PCDHA2: variants seen among roughly 807,000 people sequenced by gnomAD.
PCDHA2 encodes the protein protocadherin alpha-2.
Under a neutral mutation model 66.0 loss-of-function variants are expected in PCDHA2, and 58 were observed. The observed-to-expected ratio is 0.88, with a 90% CI of 0.71 to 1.09. The LOEUF is 1.09. Among genes scored for constraint, PCDHA2 ranks in the 50% least tolerant of loss-of-function variants. PCDHA2 has a pLI of 0.00. For synonymous variants in PCDHA2, 634 were observed against 554.0 expected (o/e 1.14, Z -2.03); for missense variants, 1,267 against 1,242.3 (o/e 1.02, Z -0.30).
At chr5:140,865,092 AG>A (rs2153225895) in intron 1 of PCDHA2, 1 of 152,364 alleles carries the variant, frequency 6.6e-6, no homozygotes, top group East Asian at 1.9e-4. Context: ...ATATTAATAA[AG>A]GCACTTCCAC....
At chr5:140,823,775 C>A (rs2150129029) in intron 1 of PCDHA2, 3 of 1,613,850 alleles carry the variant, frequency 1.9e-6, no homozygotes, top group African/African-American at 2.7e-5. Context: ...GTGCTGGTGT[C>A]GCTGGTGGAA....
At chr5:140,882,907 A>T (rs11744560) in intron 1 of PCDHA2, 226,049 of 1,614,134 alleles carry the variant, frequency 0.14, 16,618 homozygotes, top group Middle Eastern at 0.18. Context: ...TATTACTGAC[A>T]GCCAGTGATG....
chr5:140,842,791 G>C (rs1554139385), intron 1 of PCDHA2: 1 of 1,594,368 alleles, frequency 6.3e-7, no homozygotes, highest in Non-Finnish European at 8.6e-7. Context: ...ACGCGCTGGT[G>C]TCCTACTCGC....
chr5:140,867,027 C>G (rs1043288554), intron 1 of PCDHA2: 1 of 152,102 alleles, frequency 6.6e-6, no homozygotes, highest in Non-Finnish European at 1.5e-5. Flanking sequence ...ATATCAAACT[C>G]TTTTATGACT....
At chr5:140,850,475 G>T (rs2150485791) in intron 1 of PCDHA2, 2 of 1,597,894 alleles carry the variant, frequency 1.3e-6, no homozygotes, top group African/African-American at 2.7e-5. Flanking sequence ...CAGCGCTGAC[G>T]GCCACGGCCA....
Position 140,968,451 on chromosome 5 carries a change from C to T in PCDHA2, c.2389-10498C>T, listed in dbSNP as rs782416830. 9 of 1,614,130 alleles carry T rather than the reference C, an allele frequency of 5.6e-6. No homozygotes were observed. The South Asian group carries it at 9.9e-5, about 18-fold the overall frequency. ...AAGGGGAGCCCACCACTGAGCAGCACTGTGACTGCCAACGTATATGTGGTG... is the reference window on the plus strand; with the variant it reads ...AAGGGGAGCCCACCACTGAGCAGCATTGTGACTGCCAACGTATATGTGGTG... On this transcript the variant is annotated intron_variant, in intron 1 of 3. Transcript: ENST00000526136.
At chr5:140,865,692 T>C (rs2048967146) in intron 1 of PCDHA2, 1 of 152,212 alleles carries the variant, frequency 6.6e-6, no homozygotes, top group Non-Finnish European at 1.5e-5. Context: ...ATATGACTGT[T>C]CCAATTTGAA....
chr5:140,892,058 T>C (rs1417540713), intron 1 of PCDHA2, among the ~76,000 whole-genome samples: 3 of 152,248 alleles, frequency 2.0e-5, no homozygotes, highest in African/African-American at 4.8e-5. Context: ...TCAAATTTAT[T>C]GTTACTTTGT....
chr5:140,876,919 GA>G, intron 1 of PCDHA2: 2 of 1,613,952 alleles, frequency 1.2e-6, no homozygotes, highest in Non-Finnish European at 1.7e-6. Context: ...ATGGGACGCG[GA>G]CGCGCAGAAG....
rs782097002 is a variant in PCDHA2 at position 140,795,783 on chromosome 5, G to A, written c.819G>A (p.Pro273=). The change falls in exon 1 of 4, where the codon CCG becomes CCA. Residue 273 remains proline (P), a synonymous_variant. Coordinates refer to ENST00000526136, the MANE Select transcript of PCDHA2 (RefSeq NM_018905.3). ...KLNASDADEG[P]NSEIVYSLGS... ...ACGCTTCTGATGCAGATGAAGGACC[G>A]AACAGCGAGATTGTGTATTCACTCG... The A allele has an allele frequency of 1.2e-6, 2 of 1,613,730 alleles. No homozygotes were observed. The highest frequency in any genetic ancestry group is 2.2e-5 in the South Asian group (2 of 91,070).
intron 1 of PCDHA2, chr5:140,822,615 T>C (rs2150117790): frequency 1.2e-6 from 2 of 1,611,632 alleles, no homozygotes; most frequent in Non-Finnish European, 1.7e-6. Context: ...TGTATTTCTT[T>C]AGTAATCTTG....
At chr5:140,993,472 A>T (rs1164535164) in intron 3 of PCDHA2, among the ~76,000 whole-genome samples, 1 of 134,248 alleles carries the variant, frequency 7.4e-6, no homozygotes, top group Non-Finnish European at 1.5e-5. Flanking sequence ...TCACACACAC[A>T]CACACACACA....
chr5:140,869,415 C>T (rs1444507177), intron 1 of PCDHA2: 2 of 1,614,216 alleles, frequency 1.2e-6, no homozygotes, highest in South Asian at 1.1e-5. Context: ...AGTGCAGCAT[C>T]CACCTGGAGG....
At position 140,843,439 on chromosome 5, in the gene PCDHA2, G is replaced by C. The variant is rs2150360020; in HGVS notation, c.2388+46087G>C. On this transcript the variant is annotated intron_variant, in intron 1 of 3. Transcript: ENST00000526136. The stretch of plus-strand genomic sequence containing the variant: ...TGTACCTGATCATCGCCATCTGCGC[G>C]GTATCCAGCCTGCTGGTGCTCACGC... The C allele has an allele frequency of 5.1e-5, 82 of 1,595,976 alleles. 7 individuals carry two copies. In the South Asian group the frequency reaches 8.6e-4, roughly 17 times the overall value.
intron 1 of PCDHA2, chr5:140,928,017 C>T (rs782665827): frequency 1.2e-6 from 2 of 1,614,064 alleles, no homozygotes; most frequent in East Asian, 4.5e-5. Flanking sequence ...ATGGTAGGGT[C>T]ATTTGTGGCA....
rs782508103 is a variant in PCDHA2, at chr5:140,856,192, G to T, written c.2388+58840G>T. ...ACGGCACCTTCGTGGGCCGCATCGCGCAGGACCTGGGGCTGGAGCTGGCGG... is the reference window on the plus strand; with the variant it reads ...ACGGCACCTTCGTGGGCCGCATCGCTCAGGACCTGGGGCTGGAGCTGGCGG... On this transcript the variant is annotated intron_variant, in intron 1 of 3. Coordinates refer to ENST00000526136, the MANE Select transcript of PCDHA2 (RefSeq NM_018905.3). The T allele has an allele frequency of 3.7e-5, 59 of 1,598,180 alleles. 4 individuals carry two copies. Among genetic ancestry groups the T allele is most frequent in the South Asian group, 2.8e-4 (25 of 90,510 alleles).
rs2150289846 is a variant in PCDHA2, at chr5:140,838,476, G to A, written c.2388+41124G>A. On this transcript the variant is annotated intron_variant, in intron 1 of 3. Transcript: ENST00000526136. ...ATTATTTCATTAGCGCTTATTCCTT[G>A]TTTTTGATTATTTGCTTTCTTATTT... Among the ~76,000 whole-genome samples, 461 of 151,412 alleles carry A rather than the reference G, an allele frequency of 3.0e-3. 6 individuals carry two copies. Among genetic ancestry groups the A allele is most frequent in the Middle Eastern group, 0.014 (4 of 294 alleles).
chr5:140,906,193 AAGTTGACACTC>A (rs1337204998), intron 1 of PCDHA2, among the ~76,000 whole-genome samples: 4 of 152,140 alleles, frequency 2.6e-5, no homozygotes, highest in African/African-American at 9.7e-5. Context: ...CAATCCAATC[AAGTTGACACTC>A]AGTATTAACC....
At chr5:140,850,181 G>A (rs2150471604) in intron 1 of PCDHA2, 2 of 1,593,852 alleles carry the variant, frequency 1.3e-6, no homozygotes, top group East Asian at 2.2e-5. Context: ...ACGACAATGC[G>A]CCGGCGCTGC....
Sources: allele counts gnomAD v4.1 joint callset (sites outside exome capture counted in the v4.1 genomes callset), GRCh38; gene constraint gnomAD v4.1.1; transcripts MANE v1.5; gene names NCBI Gene and HGNC (gene_info 2026-07-23, HGNC 2026-07-21).